Variants in MARCOL observed in about 807,000 individuals in gnomAD.
The protein encoded by MARCOL is MARCO-like protein.
At chr5:148,241,940 A>G (rs1474972395) in intron 1 of MARCOL, among the ~76,000 whole-genome samples, 1 of 152,132 alleles carries the variant, frequency 6.6e-6, no homozygotes, top group Non-Finnish European at 1.5e-5. Flanking sequence ...AAATGGAAAG[A>G]AAGTTGGCTA....
intron 1 of MARCOL, among the ~76,000 whole-genome samples, 184 bp downstream of exon 1, chr5:148,238,830 A>C (rs1755933462): frequency 6.6e-6 from 1 of 152,074 alleles, no homozygotes; most frequent in Non-Finnish European, 1.5e-5. Flanking sequence ...ATAGTGACTG[A>C]ATGAAATCAG....
At chr5:148,239,436 AC>A (rs1170407261) in intron 1 of MARCOL, among the ~76,000 whole-genome samples, 1 of 151,662 alleles carries the variant, frequency 6.6e-6, no homozygotes, top group Non-Finnish European at 1.5e-5. Flanking sequence ...AGTGCCTCAG[AC>A]CCCCCACTTC....
chr5:148,239,322 A>G (rs946048484), intron 1 of MARCOL, among the ~76,000 whole-genome samples: 3 of 152,000 alleles, frequency 2.0e-5, no homozygotes, highest in African/African-American at 7.2e-5. Context: ...ACATTTCTCA[A>G]GATAAAAATT....
chr5:148,243,356 G>A lies in MARCOL; in HGVS notation c.*102G>A, dbSNP rs369283991. The A allele has an allele frequency of 1.3e-5, 5 of 391,476 alleles. No individual in the cohort carries two copies. The highest frequency in any genetic ancestry group is 2.1e-5 in the African/African-American group (1 of 48,204). 24.3% of individuals were successfully genotyped at this position (391,476 alleles called of 1,614,324 possible). ...TAGGGTCATCTAGCTATCAAGGGAA[G>A]CCAGTGTCATCTAGCCAACAAGGGA... On this transcript the variant is annotated 3_prime_UTR_variant, in exon 2 of 2. Coordinates refer to ENST00000638089, the MANE Select transcript of MARCOL (RefSeq NM_001363511.2).
In MARCOL at chr5:148,242,390, T is replaced by C. The variant is rs531791043; in HGVS notation, c.50-56T>C. 3.8e-5 allele frequency: 15 copies of C among 396,902 alleles called. No homozygotes were observed. In the South Asian group the frequency reaches 1.9e-3, roughly 50 times the overall value. 24.6% of individuals were successfully genotyped at this position (396,902 alleles called of 1,614,324 possible). A position where few individuals can be genotyped will look rare whatever the true frequency, so the allele number is the denominator to read the frequency against. On this transcript the variant is annotated intron_variant, in intron 1 of 1. Transcript: ENST00000638089. ...TTGGACAAATGTTGTTGATTTAAAA[T>C]TATTTAATGTATATAACTTTATTTT...
chr5:148,242,893 G>T lies in MARCOL; in HGVS notation c.497G>T (p.Gly166Val), dbSNP rs1755983379. The T allele has an allele frequency of 2.5e-6, 1 of 399,018 alleles. No homozygotes were observed. Among genetic ancestry groups the T allele is most frequent in the South Asian group, 1.3e-4 (1 of 7,868 alleles). The allele number at this position is 399,018 out of a possible 1,614,324, so 24.7% of individuals were successfully genotyped here. Residue 166 changes from glycine (G) to valine (V), a missense_variant, in exon 2 of 2, where the codon GGG (glycine) becomes GTG (valine). By Grantham distance (109) the Gly-to-Val change is moderately radical. Transcript: ENST00000638089. ...ATGGTGGGGTCATCTAGCCAACAGG[G>T]GAAGCCAGGATCATCTAGCCAACAC... Reference protein sequence around the residue: ...KVMVGSSSQQGKPGSSSQHGN... With the variant: ...KVMVGSSSQQVKPGSSSQHGN...
In MARCOL at chr5:148,243,107, GGGGAAGCCAGGGTTGTCTAGCCATCAA is replaced by G. The variant is rs796543714; in HGVS notation, c.725_751del (p.Leu242_Gly250del). 331 of 398,490 alleles carry G rather than the reference GGGGAAGCCAGGGTTGTCTAGCCATCAA, an allele frequency of 8.3e-4. 1 individual carries two copies. The highest frequency in any genetic ancestry group is 6.4e-3 in the African/African-American group (308 of 48,246). 24.7% of individuals were successfully genotyped at this position (398,490 alleles called of 1,614,324 possible). ...AGAAGCCAGGATCTTCTAGCCAACA[GGGGAAGCCAGGGTTGTCTAGCCATCAA>G]GGGAAGCCAGGGTCATCTAGCCAAC... On this transcript the variant is annotated inframe_deletion, in exon 2 of 2. Transcript: ENST00000638089.
At chr5:148,241,247 T>C (rs1755961472) in intron 1 of MARCOL, among the ~76,000 whole-genome samples, 1 of 151,898 alleles carries the variant, frequency 6.6e-6, no homozygotes, top group African/African-American at 2.4e-5. Flanking sequence ...CATTTGACTT[T>C]GCTTAAATTG....
intron 1 of MARCOL, among the ~76,000 whole-genome samples, chr5:148,239,438 C>G (rs1377897061): frequency 6.6e-6 from 1 of 151,732 alleles, no homozygotes; most frequent in African/African-American, 2.4e-5. Flanking sequence ...TGCCTCAGAC[C>G]CCCCACTTCT....
intron 1 of MARCOL, among the ~76,000 whole-genome samples, chr5:148,241,524 C>CAAA (rs71001486): frequency 8.7e-5 from 11 of 126,356 alleles, no homozygotes; most frequent in African/African-American, 3.4e-4. Flanking sequence ...ACACTTCTAC[C>CAAA]AAAAAAAAAA....
intron 1 of MARCOL, among the ~76,000 whole-genome samples, chr5:148,241,881 G>T (rs1755970113): frequency 1.3e-5 from 2 of 152,082 alleles, no homozygotes; most frequent in Non-Finnish European, 2.9e-5. Context: ...AAAGCTGATT[G>T]AAAGACACAT....
At chr5:148,241,766 T>C (rs1755968706) in intron 1 of MARCOL, among the ~76,000 whole-genome samples, 1 of 152,134 alleles carries the variant, frequency 6.6e-6, no homozygotes, top group East Asian at 1.9e-4. Flanking sequence ...ATAATCGTGA[T>C]ATTTACCATT....
chr5:148,238,628 C>T lies in MARCOL; in HGVS notation c.31C>T (p.Leu11Phe), dbSNP rs1755931601. MRAFIFFLFM[L>F]LAMFSASSTQ... ...GGCTTTCATTTTCTTTCTCTTCATGCTCCTGGCCATGTTCTCAGGTAAGAA... is the reference window on the plus strand; with the variant it reads ...GGCTTTCATTTTCTTTCTCTTCATGTTCCTGGCCATGTTCTCAGGTAAGAA... Residue 11 changes from leucine (L) to phenylalanine (F), a missense_variant, in exon 1 of 2, where the codon CTC (leucine) becomes TTC (phenylalanine). By Grantham distance (22) the Leu-to-Phe change is conservative (BLOSUM62 0). Transcript: ENST00000638089. 1 of 398,238 alleles carries T rather than the reference C, an allele frequency of 2.5e-6. No individual in the cohort carries two copies. The highest frequency in any genetic ancestry group is 4.4e-6 in the Non-Finnish European group (1 of 225,478). 24.7% of individuals were successfully genotyped at this position (398,238 alleles called of 1,614,324 possible).
intron 1 of MARCOL, among the ~76,000 whole-genome samples, chr5:148,241,147 A>G (rs1301427252): frequency 1.9e-5 from 1 of 53,804 alleles, no homozygotes; most frequent in African/African-American, 3.2e-5. Context: ...AGTTTAGTTA[A>G]GCAGGTTGCT....
At chr5:148,241,557 G>T (rs1401119602) in intron 1 of MARCOL, among the ~76,000 whole-genome samples, 1 of 145,712 alleles carries the variant, frequency 6.9e-6, no homozygotes, top group Non-Finnish European at 1.5e-5. Context: ...AAGAAGCATA[G>T]CCCAATGCAA....
rs9325091 is a variant in MARCOL, at chr5:148,242,620, A to T, written c.224A>T (p.Gln75Leu). ...CCAGGAACGTTTAGGCTTCAAGGAC[A>T]ACCAGGCTATTTTAACAAGCTAGAG... ...GNPGTFRLQGQPGYFNKLEKP... is the reference protein window; with the variant it reads ...GNPGTFRLQGLPGYFNKLEKP... The change falls in exon 2 of 2, where the codon CAA (glutamine) becomes CTA (leucine). Residue 75 changes from glutamine to leucine, a missense_variant. By Grantham distance (113) the Gln-to-Leu change is moderately radical. Coordinates refer to ENST00000638089, the MANE Select transcript of MARCOL (RefSeq NM_001363511.2). 338,703 of 398,202 alleles carry T rather than the reference A, an allele frequency of 0.85. 148,893 individuals carry two copies. The highest frequency in any genetic ancestry group is 0.93 in the Middle Eastern group (1,478 of 1,588). 24.7% of individuals were successfully genotyped at this position (398,202 alleles called of 1,614,324 possible). A position where few individuals can be genotyped will look rare whatever the true frequency, so the allele number is the denominator to read the frequency against.
chr5:148,241,466 TAAAG>T (rs577651924), intron 1 of MARCOL, among the ~76,000 whole-genome samples: 137 of 79,420 alleles, frequency 1.7e-3, no homozygotes, highest in Non-Finnish European at 2.7e-3. Flanking sequence ...GGAAAGTGAA[TAAAG>T]AAAGAGGAAT....
intron 1 of MARCOL, among the ~76,000 whole-genome samples, chr5:148,240,224 G>C (rs1370048927): frequency 6.6e-6 from 1 of 151,804 alleles, no homozygotes; most frequent in Non-Finnish European, 1.5e-5. Flanking sequence ...CATAAAATGG[G>C]ATACTATGCA....
chr5:148,241,524 CAAAAAAAA>C (rs71001486), intron 1 of MARCOL, among the ~76,000 whole-genome samples: 1 of 126,394 alleles, frequency 7.9e-6, no homozygotes, highest in African/African-American at 3.1e-5. Context: ...ACACTTCTAC[CAAAAAAAA>C]AAAAAAAAAA....
Sources: gnomAD v4.1 joint callset for allele counts (sites outside exome capture counted in the v4.1 genomes callset) on GRCh38, gnomAD v4.1.1 for gene constraint, MANE v1.5 for transcripts, NCBI Gene and HGNC (gene_info 2026-07-23, HGNC 2026-07-21) for gene names.